The following ABCB4 variants were observed in gnomAD, a reference collection of about 807,000 sequenced individuals.
ABCB4 encodes the protein phosphatidylcholine translocator ABCB4.
Under a neutral mutation model 145.7 loss-of-function variants are expected in ABCB4, and 76 were observed. The ratio of observed to expected loss-of-function variants is 0.52; its 90% CI spans 0.43 to 0.63. ABCB4 has a LOEUF of 0.63. Ranked by LOEUF, ABCB4 falls within the 30% of genes least tolerant of loss-of-function variation. The pLI is 0.00. For synonymous variants in ABCB4, 517 were observed against 566.8 expected, an observed-to-expected ratio of 0.91 and a Z score of 1.25; for missense variants, 1,234 against 1,553.1, an observed-to-expected ratio of 0.79 and a Z score of 3.45.
intron 27 of ABCB4, among the ~76,000 whole-genome samples, chr7:87,402,547 T>G (rs948807621): frequency 6.6e-6 from 1 of 152,240 alleles, no homozygotes; most frequent in Admixed American, 6.5e-5. Flanking sequence ...TTAAATTTTC[T>G]AATCTTCTGT....
At chr7:87,407,180 T>C (rs1355691976) in intron 25 of ABCB4, among the ~76,000 whole-genome samples, 1 of 152,060 alleles carries the variant, frequency 6.6e-6, no homozygotes, top group Non-Finnish European at 1.5e-5. Context: ...TCGTGTAAGG[T>C]AAAGCTTACA....
At chr7:87,457,663 T>C (rs931726602) in intron 4 of ABCB4, among the ~76,000 whole-genome samples, 2 of 152,198 alleles carry the variant, frequency 1.3e-5, no homozygotes, top group South Asian at 4.1e-4. Context: ...TTTACACAAA[T>C]CATCTCACTT....
rs376899491 is a variant in ABCB4, at chr7:87,459,344, G to A, written c.286+3414C>T. Among the ~76,000 whole-genome samples the A allele has an allele frequency of 5.3e-5, 8 of 151,940 alleles. No individual in the cohort carries two copies. The South Asian group carries it at 1.0e-3, about 20-fold the overall frequency. On this transcript the variant is annotated intron_variant, in intron 4 of 27. Coordinates refer to ENST00000649586, the MANE Select transcript of ABCB4 (RefSeq NM_000443.4). The stretch of plus-strand genomic sequence containing the variant: ...CCCTATTAACCACCATTCCACTTGC[G>A]TTCTTATGAATTTTACTCTAGATAC...
In ABCB4 at chr7:87,413,633, A is replaced by G; in HGVS notation, c.2767T>C (p.Leu923=). The G allele has an allele frequency of 6.2e-7, 1 of 1,608,094 alleles. No individual in the cohort carries two copies. The highest frequency in any genetic ancestry group is 8.5e-7 in the Non-Finnish European group (1 of 1,175,538). Residue 923 remains leucine, a synonymous_variant, in exon 22 of 28, where the codon TTG becomes CTG. Coordinates refer to ENST00000649586, the MANE Select transcript of ABCB4 (RefSeq NM_000443.4). Reference sequence around the variant, plus strand: ...GTTCATTACCTGTAAGGTCCATACAATTTTTCAACATACATTGATTCAAAT... The same window carrying G: ...GTTCATTACCTGTAAGGTCCATACAGTTTTTCAACATACATTGATTCAAAT... ...RKFESMYVEK[L]YGPYRNSVQK...
chr7:87,424,457 T>A (rs1322155707), intron 16 of ABCB4, among the ~76,000 whole-genome samples: 1 of 152,124 alleles, frequency 6.6e-6, no homozygotes, highest in Non-Finnish European at 1.5e-5. Context: ...CAGTCCTGCC[T>A]CTCTAACAGG....
At chr7:87,465,401 G>T (rs1812798446) in intron 3 of ABCB4, among the ~76,000 whole-genome samples, 1 of 152,188 alleles carries the variant, frequency 6.6e-6, no homozygotes, top group African/African-American at 2.4e-5. Context: ...GGTAAACAAA[G>T]CGGCCAGGAA....
intron 7 of ABCB4, among the ~76,000 whole-genome samples, chr7:87,450,468 ATTT>A (rs373293934): frequency 2.3e-5 from 3 of 131,194 alleles, no homozygotes; most frequent in Admixed American, 7.8e-5. Flanking sequence ...TTGTGTCACA[ATTT>A]TTTTTTTTTT....
chr7:87,411,424 T>C (rs1182592686), intron 23 of ABCB4, among the ~76,000 whole-genome samples: 1 of 152,130 alleles, frequency 6.6e-6, no homozygotes, highest in East Asian at 1.9e-4. Flanking sequence ...GAGAGGCAAA[T>C]GTTGGCAGGG....
At position 87,431,489 on chromosome 7, in the gene ABCB4, A is replaced by C; in HGVS notation, c.1808T>G (p.Phe603Cys). 1 of 1,614,100 alleles carries C rather than the reference A, an allele frequency of 6.2e-7. No homozygotes were observed. Among genetic ancestry groups the C allele is most frequent in the South Asian group, 1.1e-5 (1 of 91,082 alleles). The change falls in exon 15 of 28, where the codon TTT (phenylalanine) becomes TGT (cysteine). Residue 603 changes from phenylalanine to cysteine, a missense_variant. By Grantham distance (205) the Phe-to-Cys change is radical (BLOSUM62 -2). Transcript: ENST00000649586. ...TVRNADVIAGFEDGVIVEQGS... is the reference protein window; with the variant it reads ...TVRNADVIAGCEDGVIVEQGS... ...TTGCTCCACAATTACTCCATCCTCA[A>C]ACCCAGCGATGACATCTGCATTTCG...
At chr7:87,446,958 G>A (rs774467812) in intron 9 of ABCB4, 76 bp downstream of exon 9, 82 of 1,328,536 alleles carry the variant, frequency 6.2e-5, no homozygotes, top group East Asian at 7.0e-5. Flanking sequence ...AAAAAGGAGC[G>A]ATATCAAAGA....
intron 2 of ABCB4, among the ~76,000 whole-genome samples, chr7:87,473,688 T>C (rs942935447): frequency 6.6e-6 from 1 of 152,204 alleles, no homozygotes; most frequent in Non-Finnish European, 1.5e-5. Flanking sequence ...ACATTATTTA[T>C]GTCTGTCCTC....
chr7:87,387,811 G>A, the ABCB4 span, among the ~76,000 whole-genome samples: 1 of 152,142 alleles, frequency 6.6e-6, no homozygotes, highest in African/African-American at 2.4e-5. Context: ...AATTAGCTGG[G>A]TATTGTGGTG....
At chr7:87,382,236 A>C in the ABCB4 span, 28 of 1,496,656 alleles carry the variant, frequency 1.9e-5, no homozygotes, top group Non-Finnish European at 2.4e-5. Flanking sequence ...TAACAACCAT[A>C]TGTAAAAATT....
At chr7:87,389,844 G>T in the ABCB4 span, among the ~76,000 whole-genome samples, 1 of 151,920 alleles carries the variant, frequency 6.6e-6, no homozygotes, top group African/African-American at 2.4e-5. Context: ...CTAGCATTAA[G>T]ACTGGCTTGC....
the ABCB4 span, chr7:87,393,143 T>A: frequency 2.1e-6 from 3 of 1,450,886 alleles, no homozygotes; most frequent in Middle Eastern, 6.8e-4. Flanking sequence ...ATGCCTTTCC[T>A]ACACTGTGAT....
intron 3 of ABCB4, among the ~76,000 whole-genome samples, chr7:87,463,871 A>G (rs934924240): frequency 2.0e-5 from 3 of 152,188 alleles, no homozygotes; most frequent in African/African-American, 4.8e-5. Flanking sequence ...TTACTGTCTT[A>G]TTAGTCCTCT....
intron 3 of ABCB4, among the ~76,000 whole-genome samples, chr7:87,467,298 A>G (rs1024905481): frequency 6.6e-5 from 10 of 152,256 alleles, no homozygotes; most frequent in Admixed American, 2.6e-4. Context: ...CAAAAGAGAC[A>G]AAGAAGGCCA....
At chr7:87,444,795 A>T in intron 10 of ABCB4, 67 bp downstream of exon 10, 1 of 1,252,814 alleles carries the variant, frequency 8.0e-7, no homozygotes, top group Non-Finnish European at 1.1e-6. Flanking sequence ...AAATATGCAA[A>T]CTAAAGCCAG....
chr7:87,462,742 G>T lies in ABCB4; in HGVS notation c.286+16C>A. 2 of 1,613,086 alleles carry T rather than the reference G, an allele frequency of 1.2e-6. No individual in the cohort carries two copies. The highest frequency in any genetic ancestry group is 1.7e-6 in the Non-Finnish European group (2 of 1,179,326). On this transcript the variant is annotated intron_variant, in intron 4 of 27. Transcript: ENST00000649586. ...GAAATGCTATGGATTTTTTTAAAAGGTAAAGAAATGCTTACCTGGAAAGGA... is the reference window on the plus strand; with the variant it reads ...GAAATGCTATGGATTTTTTTAAAAGTTAAAGAAATGCTTACCTGGAAAGGA...
Sources: allele counts gnomAD v4.1 joint callset (sites outside exome capture counted in the v4.1 genomes callset), GRCh38; gene constraint gnomAD v4.1.1; transcripts MANE v1.5; gene names NCBI Gene and HGNC (gene_info 2026-07-23, HGNC 2026-07-21).